DNAH10: variants seen among roughly 807,000 people sequenced by gnomAD.
The protein encoded by DNAH10 is dynein axonemal heavy chain 10, also known as axonemal beta dynein heavy chain 10.
Under a neutral mutation model 506.6 loss-of-function variants are expected in DNAH10, and 348 were observed. That is an observed-to-expected ratio of 0.69 (90% confidence interval 0.63 to 0.75). The LOEUF (loss-of-function observed/expected upper bound fraction) is 0.75, where lower values mean the gene tolerates loss of function less well. Among genes scored for constraint, DNAH10 ranks in the 30% least tolerant of loss-of-function variants. The pLI is 0.00. For missense variants in DNAH10, 5,179 were observed against 5,787.1 expected (o/e 0.89, Z 3.41); for synonymous variants, 2,059 against 2,198.6 (o/e 0.94, Z 1.78).
At chr12:123,884,025 C>G (rs1420428950) in intron 51 of DNAH10, among the ~76,000 whole-genome samples, 2 of 152,098 alleles carry the variant, frequency 1.3e-5, no homozygotes, top group Non-Finnish European at 2.9e-5. Context: ...TCCTGGCAAG[C>G]AAGAGGTGTT....
intron 50 of DNAH10, 45 bp from the exon 51 acceptor site, chr12:123,881,580 C>T: frequency 6.7e-7 from 1 of 1,492,728 alleles, no homozygotes; most frequent in Non-Finnish European, 8.9e-7. Context: ...GATTGTAAAA[C>T]CCACCATGCT....
At chr12:123,908,723 G>A (rs546269329) in intron 57 of DNAH10, among the ~76,000 whole-genome samples, 8 of 152,296 alleles carry the variant, frequency 5.3e-5, no homozygotes, top group Admixed American at 1.3e-4. Flanking sequence ...ACACAATTAC[G>A]GGGCAACATA....
At chr12:123,806,081 G>A (rs1002559482) in intron 18 of DNAH10, among the ~76,000 whole-genome samples, 1 of 151,904 alleles carries the variant, frequency 6.6e-6, no homozygotes, top group African/African-American at 2.4e-5. Context: ...CGGCCACCCC[G>A]CCTGACATTT....
chr12:123,801,277 G>T lies in DNAH10; in HGVS notation c.2463-4G>T. 1 of 1,613,478 alleles carries T rather than the reference G, an allele frequency of 6.2e-7. No individual in the cohort carries two copies. Among genetic ancestry groups the T allele is most frequent in the Middle Eastern group, 1.6e-4 (1 of 6,062 alleles). On this transcript the variant is annotated splice_polypyrimidine_tract_variant and splice_region_variant and intron_variant, in intron 15 of 78. Transcript: ENST00000673944. ...CAGGTTTATGACATTCCTGTCATGT[G>T]CAGGTACACAGCTGGGATACAGCGC... is the stretch of plus-strand genomic sequence containing the variant.
At position 123,935,688 on chromosome 12, in the gene DNAH10, T is replaced by TAATC. The variant is rs1346485834; in HGVS notation, c.*210_*213dup. 4 of 479,908 alleles carry TAATC rather than the reference T, an allele frequency of 8.3e-6. No individual in the cohort carries two copies. The highest frequency in any genetic ancestry group is 1.9e-5 in the African/African-American group (1 of 52,136). 29.7% of individuals were successfully genotyped at this position (479,908 alleles called of 1,614,324 possible). A position where few individuals can be genotyped will look rare whatever the true frequency, so the allele number is the denominator to read the frequency against. ...TACTACTTTTTAAAAGGAATTTATA[T>TAATC]AATCAAAAAGTAAATATTGGAGAGT... On this transcript the variant is annotated 3_prime_UTR_variant, in exon 79 of 79. Transcript: ENST00000673944.
chr12:123,862,621 G>A (rs1951655921), intron 39 of DNAH10, among the ~76,000 whole-genome samples: 1 of 151,954 alleles, frequency 6.6e-6, no homozygotes, highest in African/African-American at 2.4e-5. Flanking sequence ...GAACTCCTGG[G>A]CCCAAGGAAT....
chr12:123,793,806 T>C, intron 11 of DNAH10, 136 bp from the exon 12 acceptor site: 2 of 592,682 alleles, frequency 3.4e-6, no homozygotes. Context: ...CCACTTTAAA[T>C]TGGATACCAG....
At chr12:123,806,906 T>G (rs1201072149) in intron 18 of DNAH10, among the ~76,000 whole-genome samples, 1 of 152,050 alleles carries the variant, frequency 6.6e-6, no homozygotes, top group Non-Finnish European at 1.5e-5. Flanking sequence ...TAGCTGGGAC[T>G]ACAGGTGCCC....
intron 26 of DNAH10, among the ~76,000 whole-genome samples, chr12:123,832,903 G>A (rs1960725667): frequency 6.6e-6 from 1 of 152,180 alleles, no homozygotes; most frequent in South Asian, 2.1e-4. Context: ...AGGACTGAAT[G>A]AGATCGTGTA....
intron 57 of DNAH10, among the ~76,000 whole-genome samples, chr12:123,905,848 A>G (rs1408802981): frequency 6.6e-6 from 1 of 151,368 alleles, no homozygotes; most frequent in Non-Finnish European, 1.5e-5. Flanking sequence ...TTTGTTTATG[A>G]GGTTTATGTG....
At chr12:123,812,077 T>A (rs1192492186) in intron 19 of DNAH10, among the ~76,000 whole-genome samples, 1 of 152,202 alleles carries the variant, frequency 6.6e-6, no homozygotes, top group Non-Finnish European at 1.5e-5. Flanking sequence ...GTTATTCACA[T>A]TTTACAGATG....
chr12:123,877,578 AGTGCTGGGATTACAG>A (rs1282740444), intron 47 of DNAH10, among the ~76,000 whole-genome samples, 143 bp from the exon 48 acceptor site: 1 of 152,072 alleles, frequency 6.6e-6, no homozygotes, highest in African/African-American at 2.4e-5. Flanking sequence ...GGCCTCCCAA[AGTGCTGGGATTACAG>A]GCATGAGCCA....
rs916966134 is a variant in DNAH10, at chr12:123,785,349, T to C, written c.1231-397T>C. Reference sequence around the variant, plus strand: ...ATGTACTTAATGTGCTTATTGTCAATTTCATATTGTTGGTGAAATGTCTGT... The same window carrying C: ...ATGTACTTAATGTGCTTATTGTCAACTTCATATTGTTGGTGAAATGTCTGT... On this transcript the variant is annotated intron_variant, in intron 8 of 78. Coordinates refer to ENST00000673944, the MANE Select transcript of DNAH10 (RefSeq NM_001372106.1). This position sits in a 1 kb window ranked among gnomAD's most constrained non-coding sequence, Gnocchi z 4.1. Among the ~76,000 whole-genome samples, 2 of 152,246 alleles carry C rather than the reference T, an allele frequency of 1.3e-5. No homozygotes were observed. Among genetic ancestry groups the C allele is most frequent in the African/African-American group, 4.8e-5 (2 of 41,468 alleles).
intron 12 of DNAH10, among the ~76,000 whole-genome samples, chr12:123,795,904 G>C (rs1594046553): frequency 6.6e-6 from 1 of 152,152 alleles, no homozygotes; most frequent in African/African-American, 2.4e-5. Context: ...ATAAGTGCTT[G>C]AGGGGATGGA....
intron 50 of DNAH10, among the ~76,000 whole-genome samples, chr12:123,880,418 C>T (rs1199999294): frequency 6.6e-6 from 1 of 152,190 alleles, no homozygotes; most frequent in Non-Finnish European, 1.5e-5. Flanking sequence ...CGGCTCTCTG[C>T]AGCCTCAACC....
chr12:123,792,404 C>T (rs181012809), intron 11 of DNAH10, among the ~76,000 whole-genome samples: 7 of 151,918 alleles, frequency 4.6e-5, no homozygotes, highest in African/African-American at 1.7e-4. Flanking sequence ...CCTCCCAGAG[C>T]TCATTGTCCT....
At position 123,813,137 on chromosome 12, in the gene DNAH10, C is replaced by T. The variant is rs373933132; in HGVS notation, c.3145-27C>T. The T allele has an allele frequency of 5.1e-6, 8 of 1,560,126 alleles. No homozygotes were observed. In the Admixed American group the frequency reaches 1.5e-4, roughly 28 times the overall value. On this transcript the variant is annotated intron_variant, in intron 19 of 78. Transcript: ENST00000673944. Reference sequence around the variant, plus strand: ...GGCAAAATAGATACTAAAATACTGTCTTTTCTCCTAATTCTTACTTTGCCA... The same window carrying T: ...GGCAAAATAGATACTAAAATACTGTTTTTTCTCCTAATTCTTACTTTGCCA...
At chr12:123,778,219 AAAAT>A (rs1466451576) in intron 5 of DNAH10, among the ~76,000 whole-genome samples, 1 of 151,898 alleles carries the variant, frequency 6.6e-6, no homozygotes, top group Admixed American at 6.6e-5. Flanking sequence ...AAAAAAATGA[AAAAT>A]AAATAAGATG....
intron 4 of DNAH10, among the ~76,000 whole-genome samples, chr12:123,773,687 C>T (rs1216058579): frequency 1.3e-5 from 2 of 152,154 alleles, no homozygotes; most frequent in African/African-American, 4.8e-5. Flanking sequence ...CCTGTCTCTT[C>T]CTATAGGGAC....
Sources: allele counts gnomAD v4.1 joint callset (sites outside exome capture counted in the v4.1 genomes callset), GRCh38; gene constraint gnomAD v4.1.1; non-coding constraint Gnocchi (gnomAD v3.1); transcripts MANE v1.5; gene names NCBI Gene and HGNC (gene_info 2026-07-23, HGNC 2026-07-21).